Variants in ERC1 observed in about 807,000 individuals in gnomAD.
ERC1 encodes ELKS/RAB6-interacting/CAST family member 1.
A neutral mutation model predicts 132.0 loss-of-function variants in ERC1; 56 were observed. The ratio of observed to expected loss-of-function variants is 0.42; its 90% CI spans 0.34 to 0.53. The LOEUF (loss-of-function observed/expected upper bound fraction) is 0.53. ERC1 is among the 20% of genes least tolerant of loss of function. ERC1 has a pLI of 0.03. For missense variants in ERC1, 1,202 were observed against 1,349.9 expected (o/e 0.89, Z 1.72); for synonymous variants, 478 against 476.1 (o/e 1.00, Z -0.05).
chr12:1,358,438 T>C (rs1282164667), intron 15 of ERC1, among the ~76,000 whole-genome samples: 1 of 152,134 alleles, frequency 6.6e-6, no homozygotes, highest in Non-Finnish European at 1.5e-5. Flanking sequence ...GGAAAGTACA[T>C]ACAAATGCTA....
intron 2 of ERC1, among the ~76,000 whole-genome samples, chr12:1,037,627 T>C (rs1969331626): frequency 6.6e-6 from 1 of 152,194 alleles, no homozygotes; most frequent in Non-Finnish European, 1.5e-5. Flanking sequence ...GACAGCCATG[T>C]TGAAGGAGAT....
At chr12:990,994 G>A (rs1959182693), upstream of ERC1, 1 of 151,514 alleles carries the variant, frequency 6.6e-6, no homozygotes, top group Admixed American at 6.6e-5. Flanking sequence ...CCATCACTCT[G>A]TTTCGGTGCT....
At chr12:994,819 G>A (rs1416118832) in intron 1 of ERC1, among the ~76,000 whole-genome samples, 2 of 151,920 alleles carry the variant, frequency 1.3e-5, no homozygotes, top group African/African-American at 4.8e-5. Context: ...AAATTAGGCC[G>A]GGTGCGGTGG....
chr12:1,180,689 G>A lies in ERC1; in HGVS notation c.1875+12G>A. 1 of 1,613,772 alleles carries A rather than the reference G, an allele frequency of 6.2e-7. No homozygotes were observed. The highest frequency in any genetic ancestry group is 8.5e-7 in the Non-Finnish European group (1 of 1,179,934). ...CCCTTGCAGAGAAAGTGAGTGGCTG[G>A]CCCCAACTCTCCACACACGTTTTCT... On this transcript the variant is annotated intron_variant, in intron 9 of 18. Transcript: ENST00000360905.
At position 1,494,888 on chromosome 12, in the gene ERC1, C is replaced by T. The variant is rs1053578116; in HGVS notation, c.*4658C>T. The T allele has an allele frequency of 8.7e-6, 2 of 230,644 alleles. No individual in the cohort carries two copies. Among genetic ancestry groups the T allele is most frequent in the Non-Finnish European group, 1.7e-5 (2 of 116,486 alleles). The allele number at this position is 230,644 out of a possible 1,614,324, so 14.3% of individuals were successfully genotyped here. A position where few individuals can be genotyped will look rare whatever the true frequency, so the allele number is the denominator to read the frequency against. ...TTCAAGCTATGGGGCAGCCACACTCCCCTCCTCCCAGGCTGGCATAGGTGG... is the reference window on the plus strand; with the variant it reads ...TTCAAGCTATGGGGCAGCCACACTCTCCTCCTCCCAGGCTGGCATAGGTGG... On this transcript the variant is annotated 3_prime_UTR_variant, in exon 19 of 19. Transcript: ENST00000360905.
intron 2 of ERC1, among the ~76,000 whole-genome samples, chr12:1,071,571 T>C (rs912336940): frequency 6.6e-6 from 1 of 152,066 alleles, no homozygotes; most frequent in African/African-American, 2.4e-5. Flanking sequence ...AATTGAGTTG[T>C]AGAAGTAGTT....
chr12:1,263,226 C>T, intron 14 of ERC1, 61 bp downstream of exon 14: 3 of 1,547,448 alleles, frequency 1.9e-6, no homozygotes, highest in Non-Finnish European at 1.8e-6. Context: ...AACACACAAC[C>T]AGTATAGTTT....
At chr12:989,967 G>A (rs1959164762), upstream of ERC1, 1 of 152,198 alleles carries the variant, frequency 6.6e-6, no homozygotes, top group African/African-American at 2.4e-5. Context: ...ACAGTTGGTA[G>A]TCATATGTGG....
At chr12:1,191,741 C>T (rs1380919451) in intron 12 of ERC1, among the ~76,000 whole-genome samples, 1 of 151,908 alleles carries the variant, frequency 6.6e-6, no homozygotes, top group African/African-American at 2.4e-5. Flanking sequence ...CTACTCTTTC[C>T]ACAGAATGTA....
At chr12:1,163,643 G>T (rs1249082829) in intron 8 of ERC1, among the ~76,000 whole-genome samples, 1 of 152,184 alleles carries the variant, frequency 6.6e-6, no homozygotes, top group Non-Finnish European at 1.5e-5. Context: ...CTCCTACCAA[G>T]ATGGCTTATT....
chr12:1,014,342 A>T (rs532050365), intron 1 of ERC1, among the ~76,000 whole-genome samples: 38 of 151,958 alleles, frequency 2.5e-4, no homozygotes, highest in Middle Eastern at 3.4e-3. Context: ...TGCCTGGCTA[A>T]TGTTGGTATT....
chr12:1,464,683 G>C (rs2093709154), intron 18 of ERC1, among the ~76,000 whole-genome samples: 2 of 151,578 alleles, frequency 1.3e-5, no homozygotes, highest in Non-Finnish European at 2.9e-5. Flanking sequence ...ATGACGCCCA[G>C]CTAATTTTTG....
chr12:1,161,347 T>C, intron 8 of ERC1, among the ~76,000 whole-genome samples: 1 of 152,140 alleles, frequency 6.6e-6, no homozygotes, highest in East Asian at 1.9e-4. Context: ...TGGAGAGTGG[T>C]GTCAATAAAA....
intron 12 of ERC1, among the ~76,000 whole-genome samples, chr12:1,199,214 A>T (rs1235448854): frequency 7.0e-6 from 1 of 142,774 alleles, no homozygotes; most frequent in Non-Finnish European, 1.5e-5. Flanking sequence ...TCAACATGAG[A>T]GTTGGGTGGG....
intron 13 of ERC1, among the ~76,000 whole-genome samples, chr12:1,248,017 G>A (rs936137269): frequency 6.6e-6 from 1 of 152,058 alleles, no homozygotes; most frequent in South Asian, 2.1e-4. Context: ...AAATAAAAAG[G>A]ATGTAGCTAA....
In ERC1 at chr12:1,115,846, G is replaced by A. The variant is rs978887620; in HGVS notation, c.1402-20G>A. On this transcript the variant is annotated intron_variant, in intron 6 of 18. Transcript: ENST00000360905. ...TTGTTTTATTTCTTTTTTCCTTAAA[G>A]TGTTTTACTTCTTTTCTAGATTGGC... The A allele has an allele frequency of 1.9e-6, 3 of 1,604,064 alleles. No individual in the cohort carries two copies. The African/African-American group carries it at 4.0e-5, about 22-fold the overall frequency.
At chr12:1,052,438 A>G (rs1972181986) in intron 2 of ERC1, among the ~76,000 whole-genome samples, 1 of 152,216 alleles carries the variant, frequency 6.6e-6, no homozygotes, top group South Asian at 2.1e-4. Flanking sequence ...TTTGGTGATA[A>G]TAAACCGCTG....
intron 2 of ERC1, among the ~76,000 whole-genome samples, chr12:1,079,207 A>G (rs528050161): frequency 6.6e-6 from 1 of 150,790 alleles, no homozygotes; most frequent in South Asian, 2.1e-4. Context: ...CGATATACAG[A>G]GATACAGATA....
At chr12:1,053,253 AACATTGAGTTT>A (rs1306425028) in intron 2 of ERC1, among the ~76,000 whole-genome samples, 1 of 152,218 alleles carries the variant, frequency 6.6e-6, no homozygotes, top group Non-Finnish European at 1.5e-5. Context: ...TTATTCAGCA[AACATTGAGTTT>A]ACATTCAGGA....
Sources: gnomAD v4.1 joint callset for allele counts (sites outside exome capture counted in the v4.1 genomes callset) on GRCh38, gnomAD v4.1.1 for gene constraint, MANE v1.5 for transcripts, NCBI Gene and HGNC (gene_info 2026-07-23, HGNC 2026-07-21) for gene names.